Variants in ERCC6L2 observed in about 807,000 individuals in gnomAD.
ERCC6L2 encodes the protein ERCC excision repair 6 like 2, also known as DNA excision repair protein ERCC-6-like 2.
A neutral mutation model predicts 132.0 loss-of-function variants in ERCC6L2; 77 were observed. That is an observed-to-expected ratio of 0.58 (90% CI 0.49 to 0.71). The LOEUF (loss-of-function observed/expected upper bound fraction) is 0.71. ERCC6L2 is among the 30% of genes least tolerant of loss of function. ERCC6L2 has a pLI of 0.00. For missense variants in ERCC6L2, 1,542 were observed against 1,837.6 expected, an observed-to-expected ratio of 0.84 and a Z score of 2.94; for synonymous variants, 583 against 632.4, an observed-to-expected ratio of 0.92 and a Z score of 1.17.
intron 9 of ERCC6L2, among the ~76,000 whole-genome samples, chr9:95,924,935 A>G (rs1274854888): frequency 3.3e-5 from 5 of 152,196 alleles, no homozygotes; most frequent in Non-Finnish European, 7.3e-5. Context: ...TTTTAGGACT[A>G]TGTTAAATCA....
chr9:95,946,958 C>T (rs1831093938), intron 12 of ERCC6L2, among the ~76,000 whole-genome samples: 1 of 152,136 alleles, frequency 6.6e-6, no homozygotes, highest in African/African-American at 2.4e-5. Flanking sequence ...TGGCCATTCC[C>T]CTGTCTCATT....
intron 4 of ERCC6L2, among the ~76,000 whole-genome samples, chr9:95,914,406 T>G (rs1336514067): frequency 6.6e-6 from 1 of 152,048 alleles, no homozygotes; most frequent in Non-Finnish European, 1.5e-5. Flanking sequence ...CAGGCTAGAG[T>G]GCAGTGGCGC....
intron 19 of ERCC6L2, chr9:96,027,558 C>G (rs1588067183): frequency 6.6e-6 from 1 of 152,234 alleles, no homozygotes; most frequent in African/African-American, 2.4e-5. Flanking sequence ...GAGGCTGCAG[C>G]CCCTGCGCCG....
At chr9:96,035,367 T>G (rs1223200549) in intron 19 of ERCC6L2, among the ~76,000 whole-genome samples, 1 of 152,162 alleles carries the variant, frequency 6.6e-6, no homozygotes, top group African/African-American at 2.4e-5. Flanking sequence ...ATGGACCAAC[T>G]GGCAGGCACT....
intron 13 of ERCC6L2, among the ~76,000 whole-genome samples, chr9:95,965,315 C>A (rs1169994215): frequency 2.0e-5 from 3 of 151,952 alleles, no homozygotes; most frequent in Non-Finnish European, 2.9e-5. Context: ...TTTTAAAATA[C>A]AGAAATTTTA....
intron 12 of ERCC6L2, among the ~76,000 whole-genome samples, chr9:95,943,093 T>C (rs554140937): frequency 4.3e-4 from 65 of 152,262 alleles, no homozygotes; most frequent in African/African-American, 1.5e-3. Flanking sequence ...TATTTTGAGT[T>C]GTATTTACAA....
chr9:95,890,307 G>A (rs1307580149), intron 2 of ERCC6L2, among the ~76,000 whole-genome samples: 2 of 151,998 alleles, frequency 1.3e-5, no homozygotes, highest in East Asian at 3.8e-4. Flanking sequence ...GCCTATATTT[G>A]CCAGGCTCTA....
chr9:96,033,338 C>T lies in ERCC6L2; in HGVS notation c.*1504-5538C>T, dbSNP rs1001884927. Among the ~76,000 whole-genome samples the T allele has an allele frequency of 5.9e-5, 9 of 151,978 alleles. No individual in the cohort carries two copies. In the South Asian group the frequency reaches 6.2e-4, roughly 11 times the overall value. On this transcript the variant is annotated intron_variant and NMD_transcript_variant, in intron 19 of 20. Transcript: ENST00000670016. ...TCAGCTCACTGCAACCTCCGACTCT[C>T]GGGTTCAAGTGATTCTCATGCTTCA...
chr9:95,969,735 A>T (rs1832328943), intron 14 of ERCC6L2, among the ~76,000 whole-genome samples: 1 of 152,194 alleles, frequency 6.6e-6, no homozygotes, highest in Non-Finnish European at 1.5e-5. Flanking sequence ...GACTTGCAGC[A>T]GTTCAGAAAC....
chr9:95,877,596 G>A (rs1827347536), intron 1 of ERCC6L2, among the ~76,000 whole-genome samples: 1 of 151,936 alleles, frequency 6.6e-6, no homozygotes, highest in Admixed American at 6.6e-5. Context: ...TAGGCGGGAG[G>A]ATAGTTTGAG....
rs1388743166 is a variant in ERCC6L2, at chr9:95,927,251, T to G, written c.1534-828T>G. On this transcript the variant is annotated intron_variant, in intron 9 of 18. Transcript: ENST00000653738. Reference sequence around the variant, plus strand: ...AGCACAATAGCTTCTCTTGATTGAGTAAGTGTTATATTGAGTATTTTTTTT... The same window carrying G: ...AGCACAATAGCTTCTCTTGATTGAGGAAGTGTTATATTGAGTATTTTTTTT... 3.9e-5 allele frequency among the ~76,000 whole-genome samples: 6 copies of G among 152,036 alleles called. No homozygotes were observed. The East Asian group carries it at 9.7e-4, about 25-fold the overall frequency.
intron 18 of ERCC6L2, among the ~76,000 whole-genome samples, chr9:96,005,788 G>A (rs549566738): frequency 6.6e-6 from 1 of 152,302 alleles, no homozygotes; most frequent in African/African-American, 2.4e-5. Context: ...CTTTTTAAAA[G>A]ATGGTTCCAG....
chr9:95,933,046 C>G (rs1406250929), intron 11 of ERCC6L2, among the ~76,000 whole-genome samples: 2 of 152,110 alleles, frequency 1.3e-5, no homozygotes, highest in African/African-American at 4.8e-5. Flanking sequence ...GGGAGCTTTG[C>G]TTCTTCAGCA....
Position 96,034,323 on chromosome 9 carries a change from T to C in ERCC6L2, c.*1504-4553T>C, listed in dbSNP as rs73538553. On this transcript the variant is annotated intron_variant and NMD_transcript_variant, in intron 19 of 20. Coordinates refer to the ERCC6L2 transcript ENST00000670016. The stretch of plus-strand genomic sequence containing the variant: ...TGTGGATGTCGGAGGAAACTGTAAA[T>C]GTAGGTGGAAGACACAAACGCATTG... Among the ~76,000 whole-genome samples the C allele has an allele frequency of 3.3e-3, 495 of 152,226 alleles. 4 individuals carry two copies. Among genetic ancestry groups the C allele is most frequent in the African/African-American group, 0.012 (481 of 41,518 alleles).
intron 17 of ERCC6L2, among the ~76,000 whole-genome samples, chr9:95,995,103 A>AG (rs1833428795): frequency 6.6e-6 from 1 of 152,170 alleles, no homozygotes; most frequent in African/African-American, 2.4e-5. Flanking sequence ...CCTGTGAGGT[A>AG]GGGGGGAATC....
At chr9:95,901,589 G>C (rs1001623619) in intron 3 of ERCC6L2, among the ~76,000 whole-genome samples, 3 of 152,048 alleles carry the variant, frequency 2.0e-5, no homozygotes, top group Non-Finnish European at 4.4e-5. Flanking sequence ...ATTTTTTAGC[G>C]GGGGAGGGCA....
intron 4 of ERCC6L2, 62 bp downstream of exon 4, chr9:95,907,333 TAA>T (rs1266913372): frequency 2.0e-5 from 18 of 896,754 alleles, no homozygotes; most frequent in East Asian, 3.4e-5. Flanking sequence ...CCCTTTATAT[TAA>T]GAGTTTTTTT....
At chr9:95,893,477 A>G (rs1400959195) in intron 2 of ERCC6L2, among the ~76,000 whole-genome samples, 1 of 152,188 alleles carries the variant, frequency 6.6e-6, no homozygotes, top group Non-Finnish European at 1.5e-5. Context: ...AAACGAGGTC[A>G]CAGTATTTTC....
At chr9:95,880,622 G>C (rs918443829) in intron 1 of ERCC6L2, among the ~76,000 whole-genome samples, 2 of 152,186 alleles carry the variant, frequency 1.3e-5, no homozygotes, top group African/African-American at 4.8e-5. Flanking sequence ...AACTCCAGGG[G>C]AGATGATGAC....
Sources: gnomAD v4.1 joint callset for allele counts (sites outside exome capture counted in the v4.1 genomes callset) on GRCh38, gnomAD v4.1.1 for gene constraint, MANE v1.5 for transcripts, NCBI Gene and HGNC (gene_info 2026-07-23, HGNC 2026-07-21) for gene names.